MED26: variants seen among roughly 807,000 people sequenced by gnomAD.
MED26 encodes mediator complex subunit 26.
A neutral mutation model predicts 43.7 loss-of-function variants in MED26; 7 were observed. That is an observed-to-expected ratio of 0.16 (90% confidence interval 0.09 to 0.30). The LOEUF is 0.30. Ranked by LOEUF, MED26 falls within the 10% of genes least tolerant of loss-of-function variation. MED26 has a pLI of 1.00. For missense variants in MED26, 784 were observed against 840.6 expected, an observed-to-expected ratio of 0.93 and a Z score of 0.83; for synonymous variants, 375 against 371.1, an observed-to-expected ratio of 1.01 and a Z score of -0.12.
intron 1 of MED26, among the ~76,000 whole-genome samples, chr19:16,579,804 T>G (rs1335561457): frequency 6.6e-6 from 1 of 152,248 alleles, no homozygotes; most frequent in Non-Finnish European, 1.5e-5. Flanking sequence ...CCAGCCACTG[T>G]AGCATTTCCT....
At chr19:16,598,315 C>T (rs1170046239) in intron 1 of MED26, among the ~76,000 whole-genome samples, 7 of 120,874 alleles carry the variant, frequency 5.8e-5, no homozygotes, top group African/African-American at 1.9e-4. Context: ...CCAGCCTGGG[C>T]GACAGAGTAA....
At chr19:16,583,929 T>G (rs2086058282) in intron 1 of MED26, among the ~76,000 whole-genome samples, 1 of 151,964 alleles carries the variant, frequency 6.6e-6, no homozygotes, top group African/African-American at 2.4e-5. Flanking sequence ...AGGCAGAGGG[T>G]GAACTGGGGC....
At chr19:16,600,642 T>C (rs1379570862) in intron 1 of MED26, among the ~76,000 whole-genome samples, 1 of 152,048 alleles carries the variant, frequency 6.6e-6, no homozygotes, top group Non-Finnish European at 1.5e-5. Context: ...TGACCCCAAG[T>C]GTAAGATGAG....
intron 1 of MED26, among the ~76,000 whole-genome samples, chr19:16,594,310 C>G (rs1334312847): frequency 1.3e-5 from 2 of 152,234 alleles, no homozygotes; most frequent in Non-Finnish European, 2.9e-5. Context: ...GCTAGGCAGC[C>G]CCTGGTGGCT....
rs376858470 is a variant in MED26 at position 16,608,054 on chromosome 19, C to G, written c.72+19818G>C. On this transcript the variant is annotated intron_variant, in intron 1 of 2. Transcript: ENST00000263390. ...CAAGGGGCACCAGGGCCCTGGTGGG[C>G]AAGGCTCCAGGCCCAGGCCAGATCT... is the stretch of plus-strand genomic sequence containing the variant. 5.1e-4 allele frequency among the ~76,000 whole-genome samples: 77 copies of G among 152,338 alleles called. 1 individual carries two copies. The highest frequency in any genetic ancestry group is 1.8e-3 in the African/African-American group (74 of 41,584).
chr19:16,583,160 A>T (rs961727868), intron 1 of MED26, among the ~76,000 whole-genome samples: 3 of 152,270 alleles, frequency 2.0e-5, no homozygotes, highest in African/African-American at 7.2e-5. Flanking sequence ...CTGTGGCCCG[A>T]TGGCCAATTG....
At chr19:16,590,932 T>A (rs531752529) in intron 1 of MED26, among the ~76,000 whole-genome samples, 5 of 151,670 alleles carry the variant, frequency 3.3e-5, no homozygotes, top group Non-Finnish European at 4.4e-5. Context: ...CCCAGCTACT[T>A]GGGAGGCTGA....
At chr19:16,603,646 C>T (rs1314270083) in intron 1 of MED26, among the ~76,000 whole-genome samples, 1 of 152,156 alleles carries the variant, frequency 6.6e-6, no homozygotes, top group Non-Finnish European at 1.5e-5. Context: ...CCAACACTGC[C>T]TATCTCGGTA....
intron 1 of MED26, among the ~76,000 whole-genome samples, chr19:16,612,568 G>A (rs562265290): frequency 5.9e-5 from 9 of 152,308 alleles, no homozygotes; most frequent in Admixed American, 4.6e-4. Context: ...TTACAGGCTG[G>A]AGCCACCATG....
intron 1 of MED26, among the ~76,000 whole-genome samples, chr19:16,618,096 G>A (rs1218159117): frequency 6.6e-6 from 1 of 152,158 alleles, no homozygotes; most frequent in Non-Finnish European, 1.5e-5. Flanking sequence ...ACGAGTTTCC[G>A]GTTACCCAGA....
intron 1 of MED26, among the ~76,000 whole-genome samples, chr19:16,607,347 G>A (rs1336821808): frequency 6.6e-6 from 1 of 150,648 alleles, no homozygotes; most frequent in Non-Finnish European, 1.5e-5. Context: ...CTCATGCCTG[G>A]GTGACAGAGA....
intron 2 of MED26, 123 bp downstream of exon 2, chr19:16,578,212 C>T (rs2086023064): frequency 2.2e-6 from 2 of 926,498 alleles, no homozygotes; most frequent in Non-Finnish European, 3.5e-6. Context: ...TGAGGGCACA[C>T]CGCCTCTCTT....
intron 1 of MED26, among the ~76,000 whole-genome samples, chr19:16,602,641 G>C (rs921108866): frequency 1.3e-5 from 2 of 152,152 alleles, no homozygotes; most frequent in East Asian, 3.8e-4. Context: ...TGATATATCT[G>C]AACAACAGGA....
At chr19:16,622,574 G>A (rs10408776) in intron 1 of MED26, among the ~76,000 whole-genome samples, 19,376 of 152,148 alleles carry the variant, frequency 0.13, 1,310 homozygotes, top group South Asian at 0.15. Flanking sequence ...AGTGAAAAGC[G>A]GCTGTTTTGG....
At chr19:16,611,579 A>G (rs1359890136) in intron 1 of MED26, 1 of 152,088 alleles carries the variant, frequency 6.6e-6, no homozygotes, top group Non-Finnish European at 1.5e-5. Context: ...GGGAAAACAA[A>G]CCAACCCATT....
intron 1 of MED26, among the ~76,000 whole-genome samples, chr19:16,579,521 T>C (rs921892262): frequency 6.6e-6 from 1 of 152,238 alleles, no homozygotes; most frequent in African/African-American, 2.4e-5. Flanking sequence ...TTTAGGATCT[T>C]GCTAGGAGCC....
chr19:16,584,028 C>T (rs1172769478), intron 1 of MED26, among the ~76,000 whole-genome samples: 3 of 152,126 alleles, frequency 2.0e-5, no homozygotes, highest in Non-Finnish European at 2.9e-5. Context: ...GACAACTTCT[C>T]GCCCAAGACC....
Position 16,577,452 on chromosome 19 carries a change from G to A in MED26, c.378C>T (p.Asp126=). Residue 126 remains aspartate (D), a synonymous_variant, in exon 3 of 3, where the codon GAC becomes GAT. Transcript: ENST00000263390. The surrounding 1 kb of genome is among the most constrained non-coding windows in gnomAD (Gnocchi z 8.1). ...GAAGPPRSIH[D]LKSRNDLQRL... ...TCTGGAGGTCATTGCGGCTCTTCAG[G>A]TCATGGATGCTCCTGGGTGGGCCAG... 1 of 1,592,850 alleles carries A rather than the reference G, an allele frequency of 6.3e-7. No homozygotes were observed. Among genetic ancestry groups the A allele is most frequent in the Non-Finnish European group, 8.6e-7 (1 of 1,166,744 alleles).
chr19:16,578,275 T>C (rs752177384), intron 2 of MED26, 60 bp downstream of exon 2: 4 of 1,476,622 alleles, frequency 2.7e-6, no homozygotes, highest in Non-Finnish European at 3.8e-6. Flanking sequence ...AAGGACCTGG[T>C]TGGTACCATC....
Sources: gnomAD v4.1 joint callset for allele counts (sites outside exome capture counted in the v4.1 genomes callset) on GRCh38, gnomAD v4.1.1 for gene constraint, Gnocchi (gnomAD v3.1) non-coding constraint, MANE v1.5 for transcripts, NCBI Gene and HGNC (gene_info 2026-07-23, HGNC 2026-07-21) for gene names.